PLCB1: variants seen among roughly 807,000 people sequenced by gnomAD.
PLCB1 encodes 1-phosphatidylinositol 4,5-bisphosphate phosphodiesterase beta-1.
Under a neutral mutation model 161.8 loss-of-function variants are expected in PLCB1, and 46 were observed. The ratio of observed to expected loss-of-function variants is 0.28; its 90% CI spans 0.22 to 0.36. The LOEUF is 0.36. Among genes scored for constraint, PLCB1 ranks in the 10% least tolerant of loss-of-function variants. The pLI, the probability that PLCB1 is intolerant of heterozygous loss-of-function variation, is 1.00. For synonymous variants in PLCB1, 517 were observed against 503.7 expected, an observed-to-expected ratio of 1.03 and a Z score of -0.35; for missense variants, 1,016 against 1,472.5, an observed-to-expected ratio of 0.69 and a Z score of 5.07.
At chr20:8,613,268 GACC>G (rs1432565038) in intron 3 of PLCB1, among the ~76,000 whole-genome samples, 1 of 152,152 alleles carries the variant, frequency 6.6e-6, no homozygotes, top group Non-Finnish European at 1.5e-5. Flanking sequence ...TGACATCAAT[GACC>G]ACAACTATCA....
intron 3 of PLCB1, among the ~76,000 whole-genome samples, chr20:8,420,289 T>C (rs2098468982): frequency 6.6e-6 from 1 of 152,210 alleles, no homozygotes; most frequent in African/African-American, 2.4e-5. Flanking sequence ...TCCTACCTAC[T>C]ATCCTTGCAA....
At chr20:8,255,032 A>C (rs1287895350) in intron 2 of PLCB1, among the ~76,000 whole-genome samples, 2 of 152,086 alleles carry the variant, frequency 1.3e-5, no homozygotes, top group African/African-American at 4.8e-5. Flanking sequence ...CAATGGAGAA[A>C]AAAGTCTTAA....
rs113264296 is a variant in PLCB1 at position 8,826,452 on chromosome 20, C to T, written c.3423+36191C>T. Among the ~76,000 whole-genome samples, 1,425 of 149,484 alleles carry T rather than the reference C, an allele frequency of 9.5e-3. 30 individuals are homozygous for T. Among genetic ancestry groups the T allele is most frequent in the African/African-American group, 0.032 (1,298 of 40,662 alleles). On this transcript the variant is annotated intron_variant, in intron 31 of 31. Transcript: ENST00000338037. ...AGAGCTTGCAGTGAGCAGGAGATCG[C>T]GCCACTGCACTCCAGCCTGGGCAAC...
intron 4 of PLCB1, among the ~76,000 whole-genome samples, chr20:8,636,960 T>C (rs191106976): frequency 2.4e-4 from 37 of 151,670 alleles, no homozygotes; most frequent in Admixed American, 1.5e-3. Flanking sequence ...TACCTTCTGA[T>C]GCCTGGCAGC....
intron 24 of PLCB1, among the ~76,000 whole-genome samples, chr20:8,759,896 ATT>A (rs3033840): frequency 5.1e-5 from 4 of 78,260 alleles, no homozygotes; most frequent in Admixed American, 1.9e-4. Context: ...ATAATATCAC[ATT>A]TTTTTTTTTT....
chr20:8,330,618 A>G (rs1368169399), intron 2 of PLCB1, among the ~76,000 whole-genome samples: 1 of 152,206 alleles, frequency 6.6e-6, no homozygotes, highest in African/African-American at 2.4e-5. Flanking sequence ...TTGTTTCTGA[A>G]GAAGTTGTTG....
At chr20:8,830,440 G>C (rs1222934296) in intron 31 of PLCB1, among the ~76,000 whole-genome samples, 1 of 152,186 alleles carries the variant, frequency 6.6e-6, no homozygotes, top group African/African-American at 2.4e-5. Flanking sequence ...ATTGGAGAGG[G>C]GAACCAGGAA....
intron 2 of PLCB1, among the ~76,000 whole-genome samples, chr20:8,285,173 A>G (rs1428610229): frequency 6.6e-6 from 1 of 150,960 alleles, no homozygotes; most frequent in Non-Finnish European, 1.5e-5. Flanking sequence ...CAGATGCTTC[A>G]CTTGTGTTTG....
chr20:8,318,478 G>C lies in PLCB1; in HGVS notation c.178-52904G>C, dbSNP rs139918578. Among the ~76,000 whole-genome samples the C allele has an allele frequency of 2.2e-3, 324 of 149,604 alleles. 1 individual carries two copies. The highest frequency in any genetic ancestry group is 4.7e-3 in the South Asian group (22 of 4,678). On this transcript the variant is annotated intron_variant, in intron 2 of 31. Transcript: ENST00000338037. ...CCCCTTTTTCTTTGGTAGTCATCCA[G>C]CTTGTTTCTCTGTTGTACAAATAAA...
chr20:8,785,914 T>G (rs1012285772), intron 27 of PLCB1, among the ~76,000 whole-genome samples: 1 of 152,120 alleles, frequency 6.6e-6, no homozygotes, highest in Non-Finnish European at 1.5e-5. Flanking sequence ...TCAAAAGAGT[T>G]GCTGGGAGAC....
chr20:8,200,514 G>T (rs776266381), intron 2 of PLCB1, among the ~76,000 whole-genome samples: 8 of 151,904 alleles, frequency 5.3e-5, no homozygotes, highest in Non-Finnish European at 8.8e-5. Flanking sequence ...TTATTACAGA[G>T]AATGAAATTG....
In PLCB1 at chr20:8,733,986, G is replaced by A. The variant is rs147639942; in HGVS notation, c.2043+594G>A. On this transcript the variant is annotated intron_variant, in intron 19 of 31. Coordinates refer to ENST00000338037, the MANE Select transcript of PLCB1 (RefSeq NM_015192.4). ...AAATACAAAAAAAAACAATTAGCCG[G>A]GCGTGGTGGCGGGCGCCTGTAGTGC... Among the ~76,000 whole-genome samples the A allele has an allele frequency of 5.7e-3, 856 of 148,920 alleles. 8 individuals are homozygous for A. Among genetic ancestry groups the A allele is most frequent in the African/African-American group, 0.019 (797 of 40,930 alleles).
At chr20:8,432,200 G>T (rs140581891) in intron 3 of PLCB1, among the ~76,000 whole-genome samples, 24 of 152,254 alleles carry the variant, frequency 1.6e-4, no homozygotes, top group African/African-American at 5.1e-4. Flanking sequence ...AAACAGGGAC[G>T]CTCCGCAAGG....
At chr20:8,179,985 A>C (rs974102589) in intron 2 of PLCB1, among the ~76,000 whole-genome samples, 4 of 147,424 alleles carry the variant, frequency 2.7e-5, no homozygotes, top group African/African-American at 7.6e-5. Context: ...CAGCCTCCCA[A>C]GTAGCTGGGA....
At chr20:8,202,416 T>G (rs180877874) in intron 2 of PLCB1, among the ~76,000 whole-genome samples, 18 of 152,376 alleles carry the variant, frequency 1.2e-4, no homozygotes, top group African/African-American at 4.1e-4. Flanking sequence ...GGCTTACTTT[T>G]TATTCCTGTT....
intron 3 of PLCB1, among the ~76,000 whole-genome samples, chr20:8,555,275 A>C (rs2123005115): frequency 6.6e-6 from 1 of 152,192 alleles, no homozygotes; most frequent in Non-Finnish European, 1.5e-5. Context: ...TGGGTTTCAA[A>C]AGGCAAGGTA....
chr20:8,628,716 C>T (rs901508384), intron 4 of PLCB1: 31 of 270,760 alleles, frequency 1.1e-4, no homozygotes, highest in Non-Finnish European at 2.0e-4. Context: ...GGACAGATCA[C>T]TTGAGGTCAG....
intron 1 of PLCB1, among the ~76,000 whole-genome samples, chr20:8,135,404 G>C (rs1426523765): frequency 6.6e-6 from 1 of 152,180 alleles, no homozygotes; most frequent in Non-Finnish European, 1.5e-5. Context: ...GTCACCCAGA[G>C]GTTGCAGTGC....
chr20:8,609,092 G>A (rs202075395), intron 3 of PLCB1, among the ~76,000 whole-genome samples: 5 of 152,162 alleles, frequency 3.3e-5, no homozygotes, highest in Non-Finnish European at 5.9e-5. Context: ...ATTTGAAAGT[G>A]TTAATTTCCT....
Sources: gnomAD v4.1 joint callset for allele counts (sites outside exome capture counted in the v4.1 genomes callset) on GRCh38, gnomAD v4.1.1 for gene constraint, MANE v1.5 for transcripts, NCBI Gene and HGNC (gene_info 2026-07-23, HGNC 2026-07-21) for gene names.